ANAPC1: variants seen among roughly 807,000 people sequenced by gnomAD.
ANAPC1 encodes anaphase promoting complex subunit 1, also known as anaphase-promoting complex subunit 1.
Under a neutral mutation model 208.0 loss-of-function variants are expected in ANAPC1, and 36 were observed. The ratio of observed to expected loss-of-function variants is 0.17; its 90% CI spans 0.13 to 0.23. The LOEUF is 0.23. ANAPC1 is among the 10% of genes least tolerant of loss of function. The pLI, the probability that ANAPC1 is intolerant of heterozygous loss-of-function variation, is 1.00. For missense variants in ANAPC1, 942 were observed against 2,011.6 expected (o/e 0.47, Z 10.17); for synonymous variants, 378 against 695.2 (o/e 0.54, Z 7.18).
Position 111,772,418 on chromosome 2 carries a change from T to A in ANAPC1, c.5642A>T (p.Gln1881Leu). 6.2e-7 allele frequency: 1 copy of A among 1,602,274 alleles called. No individual in the cohort carries two copies. Among genetic ancestry groups the A allele is most frequent in the African/African-American group, 1.4e-5 (1 of 73,330 alleles). Residue 1881 changes from glutamine (Q) to leucine (L), a missense_variant, in exon 47 of 48, where the codon CAG becomes CTG. Transcript: ENST00000341068. ...YLSGQPLEES[Q>L]LSMLACFLVY... ...GAGGAAGCAGGCCAGCATGCTCAGCTGTGATTCCTCCAAGGGCTGCCCGCT... is the reference window on the plus strand; with the variant it reads ...GAGGAAGCAGGCCAGCATGCTCAGCAGTGATTCCTCCAAGGGCTGCCCGCT...
At chr2:111,845,154 C>T (rs1680987613) in intron 16 of ANAPC1, among the ~76,000 whole-genome samples, 1 of 152,176 alleles carries the variant, frequency 6.6e-6, no homozygotes, top group African/African-American at 2.4e-5. Context: ...TGGCCTTATA[C>T]CATTCTCAAT....
intron 38 of ANAPC1, among the ~76,000 whole-genome samples, chr2:111,789,383 G>A (rs1383344809): frequency 3.4e-5 from 5 of 147,962 alleles, no homozygotes; most frequent in African/African-American, 1.0e-4. Context: ...TAAAGATGGT[G>A]TAGGACATCA....
intron 17 of ANAPC1, among the ~76,000 whole-genome samples, chr2:111,839,464 G>A (rs1573435859): frequency 6.6e-6 from 1 of 152,114 alleles, no homozygotes; most frequent in Non-Finnish European, 1.5e-5. Flanking sequence ...CTAATAAACT[G>A]TAACTCTATA....
At chr2:111,820,381 T>C (rs372892240) in intron 26 of ANAPC1, among the ~76,000 whole-genome samples, 11,004 of 151,798 alleles carry the variant, frequency 0.072, 355 homozygotes, top group South Asian at 0.2. Context: ...CAGCACAGCA[T>C]GGCCATGCCT....
rs13011167 is a variant in ANAPC1 at position 111,863,768 on chromosome 2, T to C, written c.959A>G (p.Gln320Arg). 11 of 1,613,858 alleles carry C rather than the reference T, an allele frequency of 6.8e-6. No individual in the cohort carries two copies. The highest frequency in any genetic ancestry group is 1.7e-5 in the Admixed American group (1 of 59,992). The change falls in exon 9 of 48, where the codon CAG (glutamine) becomes CGG (arginine). Residue 320 changes from glutamine to arginine, a missense_variant. Transcript: ENST00000341068. ...KGDSPVTSPF[Q>R]NYSSIHSQSR... ...CTGGCTGTGAATGGAGGAGTAATTC[T>C]GGAAAGGTGAAGTCACAGGGGAATC...
intron 24 of ANAPC1, among the ~76,000 whole-genome samples, chr2:111,824,668 G>A (rs1478661986): frequency 6.6e-6 from 1 of 152,180 alleles, no homozygotes; most frequent in Non-Finnish European, 1.5e-5. Flanking sequence ...AGGTGTGTAT[G>A]TAGGTGATTA....
intron 27 of ANAPC1, among the ~76,000 whole-genome samples, chr2:111,817,720 T>C (rs1473433173): frequency 7.0e-6 from 1 of 142,754 alleles, no homozygotes; most frequent in Non-Finnish European, 1.5e-5. Context: ...GCATATATTA[T>C]GTACTATTTA....
chr2:111,840,541 G>A (rs563767278), intron 17 of ANAPC1, among the ~76,000 whole-genome samples: 7 of 152,218 alleles, frequency 4.6e-5, no homozygotes, highest in African/African-American at 7.2e-5. Context: ...ACATGGAAAC[G>A]CGAAGGGGCA....
In ANAPC1 at chr2:111,794,719, A is replaced by G; in HGVS notation, c.4373+99T>C. 9.9e-6 allele frequency: 13 copies of G among 1,309,410 alleles called. No individual in the cohort carries two copies. The South Asian group carries it at 1.6e-4, about 16-fold the overall frequency. The allele number at this position is 1,309,410 out of a possible 1,614,324, so 81.1% of individuals were successfully genotyped here. On this transcript the variant is annotated intron_variant, in intron 35 of 47. Coordinates refer to ENST00000341068, the MANE Select transcript of ANAPC1 (RefSeq NM_022662.4). ...TGGTTAGAAATATGTGGGATTCATAATTACTTAAATCAAGGACAATATTAC... is the reference window on the plus strand; with the variant it reads ...TGGTTAGAAATATGTGGGATTCATAGTTACTTAAATCAAGGACAATATTAC...
intron 47 of ANAPC1, among the ~76,000 whole-genome samples, chr2:111,770,220 TA>T (rs1676661223): frequency 8.4e-6 from 1 of 118,970 alleles, no homozygotes; most frequent in African/African-American, 3.4e-5. Context: ...TATATATATA[TA>T]TATATATAAA....
intron 27 of ANAPC1, among the ~76,000 whole-genome samples, chr2:111,817,499 A>C (rs1346156252): frequency 6.6e-6 from 1 of 152,016 alleles, no homozygotes; most frequent in African/African-American, 2.4e-5. Context: ...TTTACCTCTG[A>C]GACAATTTAA....
chr2:111,806,147 T>C (rs1175915655), intron 29 of ANAPC1, among the ~76,000 whole-genome samples: 3 of 146,016 alleles, frequency 2.1e-5, no homozygotes, highest in South Asian at 2.2e-4. Flanking sequence ...CTGTGAAACT[T>C]TGAGTCTTAC....
At position 111,862,613 on chromosome 2, in the gene ANAPC1, G is replaced by A; in HGVS notation, c.1053-15C>T. The A allele has an allele frequency of 1.2e-6, 2 of 1,606,384 alleles. No individual in the cohort carries two copies. The highest frequency in any genetic ancestry group is 1.7e-6 in the Non-Finnish European group (2 of 1,176,828). Reference sequence around the variant, plus strand: ...AATGAGCACGACTGCAAAATAAACAGAGGAGAGAGTACATCACAGTTAGCA... The same window carrying A: ...AATGAGCACGACTGCAAAATAAACAAAGGAGAGAGTACATCACAGTTAGCA... On this transcript the variant is annotated splice_polypyrimidine_tract_variant and intron_variant, in intron 9 of 47. Coordinates refer to ENST00000341068, the MANE Select transcript of ANAPC1 (RefSeq NM_022662.4).
At chr2:111,880,095 CG>C (rs1683219776) in intron 2 of ANAPC1, among the ~76,000 whole-genome samples, 1 of 152,058 alleles carries the variant, frequency 6.6e-6, no homozygotes, top group South Asian at 2.1e-4. Flanking sequence ...ACAAGTTGGC[CG>C]GGCACAGTGG....
chr2:111,829,552 T>C (rs530336782), intron 21 of ANAPC1, among the ~76,000 whole-genome samples: 30 of 152,344 alleles, frequency 2.0e-4, no homozygotes, highest in Admixed American at 7.2e-4. Flanking sequence ...GGAACAGGTA[T>C]GCCAAGAAAC....
At chr2:111,846,524 T>C (rs1276644710) in intron 16 of ANAPC1, among the ~76,000 whole-genome samples, 1 of 117,886 alleles carries the variant, frequency 8.5e-6, no homozygotes, top group African/African-American at 3.7e-5. Context: ...TGTCCATATA[T>C]ATACATATAC....
downstream of ANAPC1, chr2:111,766,983 T>C (rs1183320691): frequency 4.7e-5 from 22 of 470,448 alleles, no homozygotes; most frequent in Non-Finnish European, 9.3e-5. Context: ...TCCTGCTAGG[T>C]CCTTCAGAAG....
intron 21 of ANAPC1, among the ~76,000 whole-genome samples, chr2:111,826,671 T>TA (rs1353245971): frequency 1.5e-4 from 22 of 144,612 alleles, no homozygotes; most frequent in African/African-American, 5.8e-4. Flanking sequence ...ATTTATTTTT[T>TA]TTTTTTTTGA....
Position 111,774,176 on chromosome 2 carries a change from G to A in ANAPC1, c.5585-1701C>T, listed in dbSNP as rs555344120. On this transcript the variant is annotated intron_variant, in intron 46 of 47. Coordinates refer to ENST00000341068, the MANE Select transcript of ANAPC1 (RefSeq NM_022662.4). The stretch of plus-strand genomic sequence containing the variant: ...GAAGGGAAGGAGGGAAAGGAGCAAG[G>A]ATGACTTCCAAAAGGGTCAACAAAG... Among the ~76,000 whole-genome samples, 129 of 152,030 alleles carry A rather than the reference G, an allele frequency of 8.5e-4. 2 individuals carry two copies. The highest frequency in any genetic ancestry group is 2.8e-3 in the African/African-American group (118 of 41,422).
Sources: gnomAD v4.1 joint callset for allele counts (sites outside exome capture counted in the v4.1 genomes callset) on GRCh38, gnomAD v4.1.1 for gene constraint, MANE v1.5 for transcripts, NCBI Gene and HGNC (gene_info 2026-07-23, HGNC 2026-07-21) for gene names.